Variants in IL34 observed in about 807,000 individuals in gnomAD.
IL34 encodes the protein interleukin 34.
IL34 carries 17 observed loss-of-function variants against 25.3 expected under a neutral mutation model. The ratio of observed to expected loss-of-function variants is 0.67; its 90% CI spans 0.46 to 1.01. IL34 has a LOEUF of 1.01. IL34 is among the 50% of genes least tolerant of loss of function. The pLI is 0.00. For missense variants in IL34, 368 were observed against 312.9 expected (o/e 1.18, Z -1.33); for synonymous variants, 174 against 140.9 (o/e 1.23, Z -1.66).
At chr16:70,624,253 T>TG (rs1597754784) in intron 1 of IL34, among the ~76,000 whole-genome samples, 2 of 151,782 alleles carry the variant, frequency 1.3e-5, no homozygotes, top group East Asian at 3.9e-4. Flanking sequence ...AGCAAGCTCC[T>TG]GGGGAAGGAG....
intron 4 of IL34, among the ~76,000 whole-genome samples, chr16:70,658,035 G>C (rs1016106291): frequency 4.6e-5 from 7 of 152,212 alleles, no homozygotes; most frequent in African/African-American, 1.4e-4. Context: ...CATGCAGGCC[G>C]TGTGTGCGGT....
intron 1 of IL34, among the ~76,000 whole-genome samples, chr16:70,640,709 A>G (rs1359588098): frequency 6.6e-6 from 1 of 152,052 alleles, no homozygotes; most frequent in Non-Finnish European, 1.5e-5. Context: ...TTTGCAGTAT[A>G]GTTGATGTAT....
At chr16:70,631,510 A>G (rs942265392) in intron 1 of IL34, among the ~76,000 whole-genome samples, 1 of 152,224 alleles carries the variant, frequency 6.6e-6, no homozygotes, top group Non-Finnish European at 1.5e-5. Flanking sequence ...AAAACCAAAG[A>G]ATCTTTATCC....
chr16:70,657,069 A>C lies in IL34; in HGVS notation c.350A>C (p.Lys117Thr). 1 of 1,613,140 alleles carries C rather than the reference A, an allele frequency of 6.2e-7. No individual in the cohort carries two copies. The highest frequency in any genetic ancestry group is 8.5e-7 in the Non-Finnish European group (1 of 1,179,960). The change falls in exon 4 of 6, where the codon AAG becomes ACG. Residue 117 changes from lysine (K) to threonine (T), a missense_variant. Coordinates refer to ENST00000288098, the MANE Select transcript of IL34 (RefSeq NM_001393494.1). Reference protein sequence around the residue: ...DVLLEGHPSWKYLQEVETLLL... With the variant: ...DVLLEGHPSWTYLQEVETLLL... The stretch of plus-strand genomic sequence containing the variant: ...CTGCTCGAGGGCCACCCATCCTGGA[A>C]GTACCTGCAGGAGGTGGAGACGCTG...
At position 70,636,334 on chromosome 16, in the gene IL34, C is replaced by T. The variant is rs184585383; in HGVS notation, c.-400-10214C>T. Reference sequence around the variant, plus strand: ...TACAGGTGTGAGCCACTGTGCCAGGCCCAGGGTCTGTATTTTATACCTGCA... The same window carrying T: ...TACAGGTGTGAGCCACTGTGCCAGGTCCAGGGTCTGTATTTTATACCTGCA... On this transcript the variant is annotated intron_variant, in intron 1 of 6. Transcript: ENST00000429149. Among the ~76,000 whole-genome samples, 4 of 152,132 alleles carry T rather than the reference C, an allele frequency of 2.6e-5. No homozygotes were observed. In the East Asian group the frequency reaches 7.7e-4, roughly 29 times the overall value.
chr16:70,615,295 T>C (rs1481499631), intron 1 of IL34, among the ~76,000 whole-genome samples: 1 of 151,532 alleles, frequency 6.6e-6, no homozygotes, highest in Admixed American at 6.6e-5. Flanking sequence ...GATCAAGAGG[T>C]CAAGAGATCG....
At chr16:70,600,652 A>C (rs1162914218) in intron 1 of IL34, among the ~76,000 whole-genome samples, 4 of 152,244 alleles carry the variant, frequency 2.6e-5, no homozygotes, top group Admixed American at 2.0e-4. Context: ...TCAATGGTGC[A>C]TAAAATAATG....
At chr16:70,580,734 T>C (rs2050627430) in intron 1 of IL34, among the ~76,000 whole-genome samples, 3 of 144,630 alleles carry the variant, frequency 2.1e-5, no homozygotes, top group Admixed American at 7.0e-5. Flanking sequence ...TGAGCCGAGA[T>C]CACACCACTG....
At chr16:70,628,180 A>T (rs1187892819) in intron 1 of IL34, among the ~76,000 whole-genome samples, 2 of 152,180 alleles carry the variant, frequency 1.3e-5, no homozygotes, top group Admixed American at 6.5e-5. Context: ...GCACCTTATT[A>T]TATATTTATT....
In IL34 at chr16:70,646,707, T is replaced by A. The variant is rs2051940369; in HGVS notation, c.-241T>A. ...CACCGGCTCAGACCTGCTTCTGGGC[T>A]GCCATGGGACTTGCGGCCACCGCCC... On this transcript the variant is annotated 5_prime_UTR_variant, in exon 1 of 6. Transcript: ENST00000288098. 4.2e-6 allele frequency: 2 copies of A among 473,322 alleles called. No homozygotes were observed. Among genetic ancestry groups the A allele is most frequent in the Non-Finnish European group, 7.4e-6 (2 of 271,924 alleles). The allele number at this position is 473,322 out of a possible 1,614,324, so 29.3% of individuals were successfully genotyped here.
rs75158366 is a variant in IL34, at chr16:70,598,097, C to T, written c.-401+18048C>T. Among the ~76,000 whole-genome samples the T allele has an allele frequency of 7.7e-3, 1,172 of 152,234 alleles. 108 individuals are homozygous for T. In the East Asian group the frequency reaches 0.19, roughly 24 times the overall value. Reference sequence around the variant, plus strand: ...CTGACCTCAGGTGATCTGCCCTCTTCAGCCTCCCAAAGTGCTGGTATTACA... The same window carrying T: ...CTGACCTCAGGTGATCTGCCCTCTTTAGCCTCCCAAAGTGCTGGTATTACA... On this transcript the variant is annotated intron_variant, in intron 1 of 6. Transcript: ENST00000429149.
At chr16:70,649,331 T>C (rs1365575394) in intron 1 of IL34, among the ~76,000 whole-genome samples, 1 of 152,222 alleles carries the variant, frequency 6.6e-6, no homozygotes, top group African/African-American at 2.4e-5. Context: ...GGGCAGTTTA[T>C]GCAGACATTT....
chr16:70,589,373 T>C (rs544763945), intron 1 of IL34, among the ~76,000 whole-genome samples: 21 of 152,312 alleles, frequency 1.4e-4, no homozygotes, highest in Admixed American at 1.4e-3. Flanking sequence ...TTATCTTTTC[T>C]GTTCCTCTCC....
At chr16:70,657,932 C>G (rs575895611) in intron 4 of IL34, among the ~76,000 whole-genome samples, 1 of 152,332 alleles carries the variant, frequency 6.6e-6, no homozygotes, top group African/African-American at 2.4e-5. Context: ...TCCCCCATCC[C>G]TGACCCGCTC....
intron 1 of IL34, among the ~76,000 whole-genome samples, chr16:70,626,049 G>GC (rs1452845351): frequency 6.6e-6 from 1 of 152,230 alleles, no homozygotes; most frequent in African/African-American, 2.4e-5. Context: ...CACCACACAG[G>GC]CTTTGTGTGA....
chr16:70,636,339 G>T (rs4985414), intron 1 of IL34, among the ~76,000 whole-genome samples: 39,969 of 151,680 alleles, frequency 0.26, 5,515 homozygotes, highest in South Asian at 0.44. Context: ...CCAGGCCCAG[G>T]GTCTGTATTT....
chr16:70,643,440 G>C (rs1018980171), upstream of IL34, among the ~76,000 whole-genome samples: 1 of 152,164 alleles, frequency 6.6e-6, no homozygotes, highest in Non-Finnish European at 1.5e-5. Context: ...GCGTGATCAT[G>C]GTTCACTGCA....
chr16:70,652,560 C>T (rs2052107192), intron 1 of IL34, among the ~76,000 whole-genome samples: 2 of 152,178 alleles, frequency 1.3e-5, no homozygotes, highest in South Asian at 4.1e-4. Flanking sequence ...CTAAGCATAT[C>T]TAATTGTTCT....
chr16:70,656,263 A>G (rs4985555), intron 2 of IL34, among the ~76,000 whole-genome samples: 80,150 of 152,030 alleles, frequency 0.53, 21,704 homozygotes, highest in South Asian at 0.67. Context: ...GAGGCCGGGC[A>G]TGGTGGCTCA....
Sources: gnomAD v4.1 joint callset for allele counts (sites outside exome capture counted in the v4.1 genomes callset) on GRCh38, gnomAD v4.1.1 for gene constraint, MANE v1.5 for transcripts, NCBI Gene and HGNC (gene_info 2026-07-23, HGNC 2026-07-21) for gene names.